TBRG1: variants seen among roughly 807,000 people sequenced by gnomAD.
The protein encoded by TBRG1 is nuclear interactor of ARF and MDM2.
TBRG1 carries 31 observed loss-of-function variants against 44.0 expected under a neutral mutation model. That is an observed-to-expected ratio of 0.70 (90% confidence interval 0.53 to 0.95). The LOEUF is 0.95. Ranked by LOEUF, TBRG1 falls within the 40% of genes least tolerant of loss-of-function variation. TBRG1 has a pLI of 0.00. For synonymous variants in TBRG1, 171 were observed against 188.1 expected, an observed-to-expected ratio of 0.91 and a Z score of 0.74; for missense variants, 487 against 496.1, an observed-to-expected ratio of 0.98 and a Z score of 0.18.
At chr11:124,624,833 A>ACC in intron 1 of TBRG1, 98 bp from the exon 2 acceptor site, 2 of 800,860 alleles carry the variant, frequency 2.5e-6, no homozygotes, top group East Asian at 5.4e-5. Flanking sequence ...TCTCAGTAAT[A>ACC]CAAGCTTTTT....
At position 124,626,535 on chromosome 11, in the gene TBRG1, A is replaced by G. The variant is rs1254324906; in HGVS notation, c.517A>G (p.Ile173Val). ...AGGTGCTCGCAAGCTGGTTCAGCCCATTGCCCTGGATCCCTCAGGACGGCC... is the reference window on the plus strand; with the variant it reads ...AGGTGCTCGCAAGCTGGTTCAGCCCGTTGCCCTGGATCCCTCAGGACGGCC... ...AGGARKLVQP[I>V]ALDPSGRPVF... The change falls in exon 4 of 9, where the codon ATT (isoleucine) becomes GTT (valine). Residue 173 changes from isoleucine to valine, a missense_variant. Transcript: ENST00000441174. The G allele has an allele frequency of 1.9e-6, 3 of 1,551,374 alleles. No homozygotes were observed. Among genetic ancestry groups the G allele is most frequent in the South Asian group, 1.2e-5 (1 of 84,020 alleles).
At chr11:124,624,169 G>A (rs866230506) in intron 1 of TBRG1, among the ~76,000 whole-genome samples, 1 of 151,968 alleles carries the variant, frequency 6.6e-6, no homozygotes, top group African/African-American at 2.4e-5. Flanking sequence ...TCCCCTATAC[G>A]TCAAAGGTAC....
At chr11:124,625,269 A>C (rs1181172230) in intron 2 of TBRG1, among the ~76,000 whole-genome samples, 1 of 152,260 alleles carries the variant, frequency 6.6e-6, no homozygotes, top group East Asian at 1.9e-4. Flanking sequence ...AAATAATCTT[A>C]CTAAGATTAT....
In TBRG1 at chr11:124,625,766, ATGGTG is replaced by A; in HGVS notation, c.321_325del (p.Val108GlnfsTer20). 1 of 1,572,124 alleles carries A rather than the reference ATGGTG, an allele frequency of 6.4e-7. No homozygotes were observed. The highest frequency in any genetic ancestry group is 8.6e-7 in the Non-Finnish European group (1 of 1,157,222). On this transcript the variant is annotated frameshift_variant, in exon 3 of 9. Transcript: ENST00000441174. LOFTEE classifies it high-confidence loss of function. ...CACAGTTCCAGTTTGCCCCTGACTTATGGTGTGGCCAGCTCTGTGGGAACTATACA... is the reference window on the plus strand; with the variant it reads ...CACAGTTCCAGTTTGCCCCTGACTTATGGCCAGCTCTGTGGGAACTATACA...
rs1171259466 is a variant in TBRG1 at position 124,623,080 on chromosome 11, G to T, written c.-4G>T. The T allele has an allele frequency of 6.5e-7, 1 of 1,546,840 alleles. No individual in the cohort carries two copies. Among genetic ancestry groups the T allele is most frequent in the Non-Finnish European group, 8.7e-7 (1 of 1,145,098 alleles). On this transcript the variant is annotated 5_prime_UTR_variant, in exon 1 of 9. Transcript: ENST00000441174. ...TCCTGGGGCCCCCGTAGCGGGGCTG[G>T]ACCATGAGCCTGCTGGACGGCCTCG...
At chr11:124,630,937 G>T in intron 7 of TBRG1, 82 bp downstream of exon 7, 1 of 1,030,392 alleles carries the variant, frequency 9.7e-7, no homozygotes, top group South Asian at 1.4e-5. Context: ...TTTGTTCACT[G>T]ACCTTCTGTG....
chr11:124,632,978 C>A lies in TBRG1; in HGVS notation c.*740C>A, dbSNP rs1267094508. On this transcript the variant is annotated 3_prime_UTR_variant, in exon 9 of 9. Coordinates refer to ENST00000441174, the MANE Select transcript of TBRG1 (RefSeq NM_032811.3). ...TAATTCAAGGAATATCAAGTCCCAG[C>A]CCCTGCAACCCAGGCTGCTGCTTAA... 6.6e-6 allele frequency: 1 copy of A among 152,298 alleles called. No homozygotes were observed. The highest frequency in any genetic ancestry group is 1.9e-4 in the East Asian group (1 of 5,182). The allele number at this position is 152,298 out of a possible 1,614,324, so 9.4% of individuals were successfully genotyped here.
chr11:124,625,099 G>GGATTGATGC, intron 2 of TBRG1, 98 bp downstream of exon 2: 1 of 821,054 alleles, frequency 1.2e-6, no homozygotes, highest in Non-Finnish European at 2.0e-6. Context: ...TTTCCCAGTG[G>GGATTGATGC]GATTGATGCG....
At chr11:124,630,620 C>T (rs1455998866) in intron 6 of TBRG1, 125 bp from the exon 7 acceptor site, 3 of 992,230 alleles carry the variant, frequency 3.0e-6, no homozygotes, top group Admixed American at 1.9e-5. Flanking sequence ...ATTGTGCCAA[C>T]TAGAGCCTCC....
intron 3 of TBRG1, 64 bp downstream of exon 3, chr11:124,625,967 TACTA>T: frequency 1.4e-6 from 2 of 1,469,084 alleles, no homozygotes; most frequent in Non-Finnish European, 1.8e-6. Context: ...TTAGACCTGG[TACTA>T]ACTGACAGAC....
Position 124,635,266 on chromosome 11 carries a change from G to A in TBRG1, c.*3028G>A, listed in dbSNP as rs531151188. ...TTCTATGGGGCCAGATGCATGAGAG[G>A]TCAAAGCATGGGCAATAGGGGTTAA... On this transcript the variant is annotated 3_prime_UTR_variant, in exon 9 of 9. Coordinates refer to ENST00000441174, the MANE Select transcript of TBRG1 (RefSeq NM_032811.3). 6.6e-6 allele frequency: 1 copy of A among 152,232 alleles called. No individual in the cohort carries two copies. Among genetic ancestry groups the A allele is most frequent in the South Asian group, 2.1e-4 (1 of 4,836 alleles). 9.4% of individuals were successfully genotyped at this position (152,232 alleles called of 1,614,324 possible). A position where few individuals can be genotyped will look rare whatever the true frequency, so the allele number is the denominator to read the frequency against.
chr11:124,625,715 G>A lies in TBRG1; in HGVS notation c.266G>A (p.Gly89Glu), dbSNP rs753475811. 2 of 1,554,714 alleles carry A rather than the reference G, an allele frequency of 1.3e-6. No homozygotes were observed. The highest frequency in any genetic ancestry group is 1.9e-5 in the Admixed American group (1 of 51,294). Residue 89 changes from glycine (G) to glutamate (E), a missense_variant, in exon 3 of 9, where the codon GGG (glycine) becomes GAG (glutamate). Transcript: ENST00000441174. ...CTCCAGCTTCAGGCTCTAACTGAAGGGGAAGTACAGGCTGCAGCTCCTTCC... is the reference window on the plus strand; with the variant it reads ...CTCCAGCTTCAGGCTCTAACTGAAGAGGAAGTACAGGCTGCAGCTCCTTCC... ...KLLQLQALTE[G>E]EVQAAAPSHS...
At position 124,634,687 on chromosome 11, in the gene TBRG1, A is replaced by G. The variant is rs1942683852; in HGVS notation, c.*2449A>G. 6.6e-6 allele frequency: 1 copy of G among 152,230 alleles called. No individual in the cohort carries two copies. Among genetic ancestry groups the G allele is most frequent in the Non-Finnish European group, 1.5e-5 (1 of 68,044 alleles). 9.4% of individuals were successfully genotyped at this position (152,230 alleles called of 1,614,324 possible). On this transcript the variant is annotated 3_prime_UTR_variant, in exon 9 of 9. Coordinates refer to ENST00000441174, the MANE Select transcript of TBRG1 (RefSeq NM_032811.3). The stretch of plus-strand genomic sequence containing the variant: ...TGTCCATTAATAGGAAATTGGTTAA[A>G]TAAAATGAGGCTTCCACAAACTGAA...
At position 124,625,857 on chromosome 11, in the gene TBRG1, TAAG is replaced by T. The variant is rs572874831; in HGVS notation, c.412_414del (p.Lys138del). The T allele has an allele frequency of 4.4e-5, 70 of 1,577,552 alleles. No individual in the cohort carries two copies. The highest frequency in any genetic ancestry group is 1.7e-4 in the Middle Eastern group (1 of 5,970). On this transcript the variant is annotated inframe_deletion, in exon 3 of 9. Coordinates refer to ENST00000441174, the MANE Select transcript of TBRG1 (RefSeq NM_032811.3). The stretch of plus-strand genomic sequence containing the variant: ...CTGAGGAACCATTTGGGAAGAAAAC[TAAG>T]AAGGAGAAAAAAGAAAAAGGCAAAG...
At chr11:124,623,856 A>T (rs1018965382) in intron 1 of TBRG1, among the ~76,000 whole-genome samples, 1 of 152,240 alleles carries the variant, frequency 6.6e-6, no homozygotes, top group African/African-American at 2.4e-5. Context: ...AACTTAATAT[A>T]GCTTGCCAGC....
chr11:124,623,102 C>G lies in TBRG1; in HGVS notation c.19C>G (p.Leu7Val). Residue 7 changes from leucine to valine, a missense_variant, in exon 1 of 9, where the codon CTC (leucine) becomes GTC (valine). Transcript: ENST00000441174. Reference protein sequence around the residue: MSLLDGLASSPRAPLQS... With the variant: MSLLDGVASSPRAPLQS... Reference sequence around the variant, plus strand: ...CTGGACCATGAGCCTGCTGGACGGCCTCGCTTCCTCGCCGCGGGCTCCGCT... The same window carrying G: ...CTGGACCATGAGCCTGCTGGACGGCGTCGCTTCCTCGCCGCGGGCTCCGCT... 1.3e-6 allele frequency: 2 copies of G among 1,550,370 alleles called. No individual in the cohort carries two copies. Among genetic ancestry groups the G allele is most frequent in the Non-Finnish European group, 1.7e-6 (2 of 1,146,670 alleles).
rs922505684 is a variant in TBRG1, at chr11:124,631,166, A to T, written c.948-109A>T. ...TTTTGTTAGCAAATATGTGTTTTAG[A>T]TATATATGGGCGGAATATAAAGAAA... On this transcript the variant is annotated intron_variant, in intron 7 of 8. Coordinates refer to ENST00000441174, the MANE Select transcript of TBRG1 (RefSeq NM_032811.3). 8.4e-6 allele frequency: 9 copies of T among 1,071,024 alleles called. No homozygotes were observed. The Admixed American group carries it at 2.1e-4, about 25-fold the overall frequency. 66.3% of individuals were successfully genotyped at this position (1,071,024 alleles called of 1,614,324 possible).
At chr11:124,624,363 C>CAAAAAAAAAA (rs61352898) in intron 1 of TBRG1, among the ~76,000 whole-genome samples, 6 of 83,526 alleles carry the variant, frequency 7.2e-5, no homozygotes, top group Non-Finnish European at 1.3e-4. Flanking sequence ...TCATCATTTA[C>CAAAAAAAAAA]AAAAAAAAAA....
Position 124,623,113 on chromosome 11 carries a change from G to C in TBRG1, c.30G>C (p.Ser10=). The C allele has an allele frequency of 6.4e-7, 1 of 1,550,982 alleles. No individual in the cohort carries two copies. The highest frequency in any genetic ancestry group is 1.2e-5 in the South Asian group (1 of 84,058). Reference sequence around the variant, plus strand: ...GCCTGCTGGACGGCCTCGCTTCCTCGCCGCGGGCTCCGCTGCAGTCCAGCA... The same window carrying C: ...GCCTGCTGGACGGCCTCGCTTCCTCCCCGCGGGCTCCGCTGCAGTCCAGCA... MSLLDGLAS[S]PRAPLQSSKA... Residue 10 remains serine (S), a synonymous_variant, in exon 1 of 9, where the codon TCG becomes TCC. Transcript: ENST00000441174.
Sources: gnomAD v4.1 joint callset for allele counts (sites outside exome capture counted in the v4.1 genomes callset) on GRCh38, gnomAD v4.1.1 for gene constraint, MANE v1.5 for transcripts, NCBI Gene and HGNC (gene_info 2026-07-23, HGNC 2026-07-21) for gene names.